ING5: variants seen among roughly 807,000 people sequenced by gnomAD.
ING5 encodes the protein inhibitor of growth protein 5.
Under a neutral mutation model 37.4 loss-of-function variants are expected in ING5, and 17 were observed. The ratio of observed to expected loss-of-function variants is 0.45; its 90% CI spans 0.31 to 0.68. The LOEUF (loss-of-function observed/expected upper bound fraction) is 0.68, where lower values mean the gene tolerates loss of function less well. Ranked by LOEUF, ING5 falls within the 30% of genes least tolerant of loss-of-function variation. The pLI is 0.05. For missense variants in ING5, 233 were observed against 311.9 expected (o/e 0.75, Z 1.91); for synonymous variants, 123 against 116.6 (o/e 1.06, Z -0.36).
upstream of ING5, among the ~76,000 whole-genome samples, chr2:241,699,751 A>C (rs1264863993): frequency 6.6e-6 from 1 of 151,486 alleles, no homozygotes; most frequent in Non-Finnish European, 1.5e-5. Flanking sequence ...GGGCTCGGGG[A>C]GCCTTTGGGA....
chr2:241,687,025 C>T (rs138371310), upstream of ING5: 2 of 512,464 alleles, frequency 3.9e-6, no homozygotes, highest in Admixed American at 8.9e-5. Context: ...GCCCCGTGTC[C>T]CGTGCGGGCC....
chr2:241,706,459 G>A (rs567194483), intron 2 of ING5, among the ~76,000 whole-genome samples: 7 of 151,722 alleles, frequency 4.6e-5, no homozygotes, highest in Non-Finnish European at 7.4e-5. Context: ...GAGAAACCCC[G>A]TCTCTACTAA....
At chr2:241,702,443 T>TCCGGCC (rs1404265825) in intron 1 of ING5, among the ~76,000 whole-genome samples, 11 of 150,038 alleles carry the variant, frequency 7.3e-5, no homozygotes, top group Non-Finnish European at 1.5e-4. Flanking sequence ...CGCCCCCAGC[T>TCCGGCC]CCGGCCCCGG....
chr2:241,693,298 A>C (rs1489083260), intron 2 of ING5, among the ~76,000 whole-genome samples: 5 of 150,496 alleles, frequency 3.3e-5, no homozygotes, highest in Admixed American at 6.6e-5. Flanking sequence ...GGCCCTATCT[A>C]CAAACAGTCA....
rs773661439 is a variant in ING5 at position 241,709,170 on chromosome 2, C to T, written c.110-46C>T. 12 of 1,564,534 alleles carry T rather than the reference C, an allele frequency of 7.7e-6. No individual in the cohort carries two copies. In the Admixed American group the frequency reaches 2.0e-4, roughly 26 times the overall value. Reference sequence around the variant, plus strand: ...GTTGTTGCCAGTCTGGTGAGCACATCATGGTGTCTTGTGCAGGGCTAGCTT... The same window carrying T: ...GTTGTTGCCAGTCTGGTGAGCACATTATGGTGTCTTGTGCAGGGCTAGCTT... On this transcript the variant is annotated intron_variant, in intron 2 of 7. Transcript: ENST00000313552.
At position 241,726,085 on chromosome 2, in the gene ING5, C is replaced by T. The variant is rs1691610969; in HGVS notation, c.*1054C>T. On this transcript the variant is annotated 3_prime_UTR_variant, in exon 8 of 8. Coordinates refer to ENST00000313552, the MANE Select transcript of ING5 (RefSeq NM_032329.6). ...AGTTGGGGAAGGCTATGCAGATTTG[C>T]TCTGTTGTGACGCGTTGGTGACGGT... The T allele has an allele frequency of 6.6e-6, 1 of 152,604 alleles. No individual in the cohort carries two copies. Among genetic ancestry groups the T allele is most frequent in the Non-Finnish European group, 1.5e-5 (1 of 68,046 alleles). 9.5% of individuals were successfully genotyped at this position (152,604 alleles called of 1,614,324 possible). A position where few individuals can be genotyped will look rare whatever the true frequency, so the allele number is the denominator to read the frequency against.
chr2:241,721,670 G>C, intron 5 of ING5: 7 of 985,240 alleles, frequency 7.1e-6, no homozygotes, highest in Non-Finnish European at 7.2e-6. Flanking sequence ...ATACCAACTA[G>C]ATATTCGTGG....
chr2:241,712,404 C>T (rs1009716612), intron 5 of ING5: 13 of 245,786 alleles, frequency 5.3e-5, no homozygotes, highest in African/African-American at 8.9e-5. Flanking sequence ...TGGTGAGCAA[C>T]GTGTTGTTGA....
chr2:241,715,046 G>T (rs1424463413), intron 5 of ING5, among the ~76,000 whole-genome samples: 2 of 152,004 alleles, frequency 1.3e-5, no homozygotes, highest in Admixed American at 6.6e-5. Context: ...TTTTAAGGTG[G>T]AAGTAGCTTG....
intron 5 of ING5, among the ~76,000 whole-genome samples, chr2:241,716,589 C>T (rs573553111): frequency 3.3e-5 from 5 of 152,236 alleles, no homozygotes; most frequent in South Asian, 2.1e-4. Flanking sequence ...GCCACTGCCC[C>T]GGCCCCTGTA....
chr2:241,719,695 TC>T (rs2070378118), intron 5 of ING5: 1 of 1,518,792 alleles, frequency 6.6e-7, no homozygotes, highest in Non-Finnish European at 8.8e-7. Flanking sequence ...GGTCGGGGCT[TC>T]CTCCCTGAGG....
rs138826996 is a variant in ING5, at chr2:241,725,317, C to A, written c.*286C>A. ...GTGGGCGGGCGCGCGTGAGCTCGGGCTGCCCGGCCGGGCGTGCGGGCGGGG... is the reference window on the plus strand; with the variant it reads ...GTGGGCGGGCGCGCGTGAGCTCGGGATGCCCGGCCGGGCGTGCGGGCGGGG... On this transcript the variant is annotated 3_prime_UTR_variant, in exon 8 of 8. Coordinates refer to ENST00000313552, the MANE Select transcript of ING5 (RefSeq NM_032329.6). 1 of 448,934 alleles carries A rather than the reference C, an allele frequency of 2.2e-6. No individual in the cohort carries two copies. Among genetic ancestry groups the A allele is most frequent in the Admixed American group, 3.7e-5 (1 of 27,098 alleles). The allele number at this position is 448,934 out of a possible 1,614,324, so 27.8% of individuals were successfully genotyped here.
At chr2:241,717,574 C>T (rs2070309151) in intron 5 of ING5, among the ~76,000 whole-genome samples, 1 of 151,762 alleles carries the variant, frequency 6.6e-6, no homozygotes, top group African/African-American at 2.4e-5. Context: ...GCTTTTATTT[C>T]ACTGCGTATA....
chr2:241,696,120 G>A (rs914709305), intron 2 of ING5, among the ~76,000 whole-genome samples: 4 of 152,110 alleles, frequency 2.6e-5, no homozygotes, highest in South Asian at 4.2e-4. Context: ...GGCTGGGCTC[G>A]GTGTCTCATG....
rs1691677198 is a variant in ING5, at chr2:241,727,626, T to G, written c.*2595T>G. The G allele has an allele frequency of 6.6e-6, 1 of 152,272 alleles. No individual in the cohort carries two copies. The highest frequency in any genetic ancestry group is 2.4e-5 in the African/African-American group (1 of 41,460). The allele number at this position is 152,272 out of a possible 1,614,324, so 9.4% of individuals were successfully genotyped here. On this transcript the variant is annotated 3_prime_UTR_variant, in exon 8 of 8. Coordinates refer to ENST00000313552, the MANE Select transcript of ING5 (RefSeq NM_032329.6). ...CACCGCACCCGGCCAACACAGATGTTTATTGATCGTGGAGGATACATTGTG... is the reference window on the plus strand; with the variant it reads ...CACCGCACCCGGCCAACACAGATGTGTATTGATCGTGGAGGATACATTGTG...
At chr2:241,710,986 T>C (rs2070093020) in intron 3 of ING5, among the ~76,000 whole-genome samples, 1 of 152,146 alleles carries the variant, frequency 6.6e-6, no homozygotes, top group African/African-American at 2.4e-5. Context: ...TGACCTCAGG[T>C]GATCAGACTG....
intron 2 of ING5, among the ~76,000 whole-genome samples, chr2:241,705,715 C>T (rs975405743): frequency 6.6e-6 from 1 of 152,116 alleles, no homozygotes; most frequent in African/African-American, 2.4e-5. Context: ...CCTTAAACTC[C>T]CTGTTTCTAA....
chr2:241,722,885 C>G (rs1182184842), intron 5 of ING5, 54 bp from the exon 6 acceptor site: 2 of 1,605,100 alleles, frequency 1.2e-6, no homozygotes, highest in African/African-American at 2.7e-5. Flanking sequence ...GGTGTCCGTG[C>G]CGCCTCACTT....
At chr2:241,722,021 G>A (rs2070447931) in intron 5 of ING5, 2 of 985,328 alleles carry the variant, frequency 2.0e-6, no homozygotes, top group South Asian at 9.4e-5. Context: ...GTGGACAGCT[G>A]GGTGGGTGGT....
Sources: gnomAD v4.1 joint callset for allele counts (sites outside exome capture counted in the v4.1 genomes callset) on GRCh38, gnomAD v4.1.1 for gene constraint, MANE v1.5 for transcripts, NCBI Gene and HGNC (gene_info 2026-07-23, HGNC 2026-07-21) for gene names.